The following ASCC3 variants were observed in gnomAD, a reference collection of about 807,000 sequenced individuals.
The protein encoded by ASCC3 is ASC-1 complex subunit P200.
ASCC3 carries 158 observed loss-of-function variants against 256.3 expected under a neutral mutation model. The ratio of observed to expected loss-of-function variants is 0.62; its 90% CI spans 0.54 to 0.70. The LOEUF (loss-of-function observed/expected upper bound fraction) is 0.70. Among genes scored for constraint, ASCC3 ranks in the 30% least tolerant of loss-of-function variants. The probability of loss-of-function intolerance (pLI) is 0.00; values close to 1 mark genes in which losing one functional copy is unlikely to be tolerated. For synonymous variants in ASCC3, 948 were observed against 883.4 expected (o/e 1.07, Z -1.30); for missense variants, 2,259 against 2,626.0 (o/e 0.86, Z 3.05).
At chr6:100,558,634 T>C (rs1027516710) in intron 36 of ASCC3, among the ~76,000 whole-genome samples, 2 of 152,152 alleles carry the variant, frequency 1.3e-5, no homozygotes, top group Admixed American at 6.6e-5. Flanking sequence ...GAAGATATCA[T>C]AGTTTTCTTC....
intron 26 of ASCC3, among the ~76,000 whole-genome samples, chr6:100,630,478 T>C (rs998534158): frequency 2.0e-5 from 3 of 151,520 alleles, no homozygotes; most frequent in African/African-American, 7.3e-5. Context: ...TATATTTTTT[T>C]TTTGTTTTTT....
intron 37 of ASCC3, among the ~76,000 whole-genome samples, chr6:100,527,875 G>A (rs1287711252): frequency 1.3e-5 from 2 of 149,488 alleles, no homozygotes; most frequent in Non-Finnish European, 3.0e-5. Context: ...ATCTCGCTCT[G>A]TCACCCAGGC....
chr6:100,570,908 C>T (rs140393633), intron 36 of ASCC3, among the ~76,000 whole-genome samples: 25 of 152,268 alleles, frequency 1.6e-4, no homozygotes, highest in African/African-American at 6.0e-4. Flanking sequence ...AGTCTGACTA[C>T]TACTCACCAT....
intron 8 of ASCC3, among the ~76,000 whole-genome samples, chr6:100,787,960 GTT>G (rs111711211): frequency 6.9e-6 from 1 of 145,792 alleles, no homozygotes; most frequent in African/African-American, 2.5e-5. Flanking sequence ...GCATAATCGA[GTT>G]TTTTTTTTTG....
chr6:100,868,532 A>G (rs1211860367), intron 1 of ASCC3, among the ~76,000 whole-genome samples: 1 of 152,196 alleles, frequency 6.6e-6, no homozygotes. Context: ...AAAACAGGCG[A>G]CCCAGTCGCT....
chr6:100,587,767 G>T (rs1483869353), intron 36 of ASCC3, among the ~76,000 whole-genome samples: 1 of 152,164 alleles, frequency 6.6e-6, no homozygotes, highest in East Asian at 1.9e-4. Flanking sequence ...GGCATAACTG[G>T]TTTTATATAG....
intron 16 of ASCC3, among the ~76,000 whole-genome samples, chr6:100,660,954 A>T (rs1776164995): frequency 6.6e-6 from 1 of 151,764 alleles, no homozygotes; most frequent in South Asian, 2.1e-4. Flanking sequence ...CATTCTCTAA[A>T]AAGACTTATC....
chr6:100,658,011 T>C (rs1775999422), intron 16 of ASCC3, among the ~76,000 whole-genome samples: 1 of 151,496 alleles, frequency 6.6e-6, no homozygotes, highest in Admixed American at 6.6e-5. Context: ...ATATAGTAAG[T>C]CAGTAACAAG....
intron 8 of ASCC3, among the ~76,000 whole-genome samples, chr6:100,785,192 ACC>A (rs1769006046): frequency 6.6e-6 from 1 of 152,182 alleles, no homozygotes; most frequent in African/African-American, 2.4e-5. Flanking sequence ...CAAAAGAGTA[ACC>A]TAATATTAAA....
intron 4 of ASCC3, among the ~76,000 whole-genome samples, chr6:100,813,868 T>C (rs1371340202): frequency 6.6e-6 from 1 of 152,040 alleles, no homozygotes; most frequent in East Asian, 1.9e-4. Context: ...GTTTTCTGGA[T>C]ATAAAATCGT....
At chr6:100,604,043 T>C (rs1436875206) in intron 33 of ASCC3, among the ~76,000 whole-genome samples, 2 of 152,116 alleles carry the variant, frequency 1.3e-5, no homozygotes, top group Non-Finnish European at 2.9e-5. Flanking sequence ...GAATTCACCA[T>C]TGAAGCTTCT....
At chr6:100,788,047 A>C (rs1166925859) in intron 8 of ASCC3, among the ~76,000 whole-genome samples, 1 of 152,016 alleles carries the variant, frequency 6.6e-6, no homozygotes, top group Non-Finnish European at 1.5e-5. Flanking sequence ...AAGTCACAAA[A>C]TGGGAGAAAA....
intron 30 of ASCC3, among the ~76,000 whole-genome samples, chr6:100,608,097 C>CACATCTATATGTATATATATCTATATAT: frequency 2.2e-5 from 1 of 45,012 alleles, no homozygotes; most frequent in Admixed American, 3.3e-4. Flanking sequence ...TATCTATATA[C>CACATCTATATGTATATATATCTATATAT]ACATATATAT....
chr6:100,694,418 A>G (rs912992769), intron 13 of ASCC3, among the ~76,000 whole-genome samples: 3 of 152,114 alleles, frequency 2.0e-5, no homozygotes, highest in Non-Finnish European at 4.4e-5. Context: ...GACAGCAGTG[A>G]GACAGCAGTG....
intron 3 of ASCC3, among the ~76,000 whole-genome samples, chr6:100,856,106 GAA>G (rs1038240928): frequency 2.0e-5 from 3 of 152,118 alleles, no homozygotes; most frequent in African/African-American, 7.2e-5. Context: ...CAAATGTGAA[GAA>G]AAGGCCAAAT....
chr6:100,730,750 C>A (rs1041138483), intron 10 of ASCC3, among the ~76,000 whole-genome samples: 24 of 152,300 alleles, frequency 1.6e-4, no homozygotes. Context: ...ATAATGGAAT[C>A]TGACAGCTTG....
intron 30 of ASCC3, among the ~76,000 whole-genome samples, chr6:100,608,172 T>TATACA (rs1773076211): frequency 8.1e-5 from 2 of 24,724 alleles, no homozygotes; most frequent in Non-Finnish European, 2.4e-4. Flanking sequence ...ATATACATAT[T>TATACA]TATATATGTG....
At chr6:100,831,977 G>C (rs1771639899) in intron 4 of ASCC3, among the ~76,000 whole-genome samples, 1 of 152,010 alleles carries the variant, frequency 6.6e-6, no homozygotes, top group Non-Finnish European at 1.5e-5. Context: ...TAATTCTGTG[G>C]AAATAGTACA....
intron 24 of ASCC3, among the ~76,000 whole-genome samples, chr6:100,641,036 C>A (rs1775098495): frequency 6.6e-6 from 1 of 151,954 alleles, no homozygotes; most frequent in Non-Finnish European, 1.5e-5. Context: ...CTCTTAAAAT[C>A]AATTCTGAAA....
Sources: allele counts gnomAD v4.1 joint callset (sites outside exome capture counted in the v4.1 genomes callset), GRCh38; gene constraint gnomAD v4.1.1; transcripts MANE v1.5; gene names NCBI Gene and HGNC (gene_info 2026-07-23, HGNC 2026-07-21).